The following EXPH5 variants were observed in gnomAD, a reference collection of about 807,000 sequenced individuals.
EXPH5 encodes exophilin-5.
Under a neutral mutation model 41.1 loss-of-function variants are expected in EXPH5, and 42 were observed. That is an observed-to-expected ratio of 1.02 (90% CI 0.80 to 1.32). The LOEUF is 1.32. EXPH5 is among the 40% of genes most tolerant of loss of function. The pLI, the probability that EXPH5 is intolerant of heterozygous loss-of-function variation, is 0.00. For synonymous variants in EXPH5, 798 were observed against 833.5 expected, an observed-to-expected ratio of 0.96 and a Z score of 0.73; for missense variants, 2,298 against 2,314.5, an observed-to-expected ratio of 0.99 and a Z score of 0.15.
In EXPH5 at chr11:108,573,105, G is replaced by C. The variant is rs145407900; in HGVS notation, c.119+20313C>G. 4.7e-3 allele frequency among the ~76,000 whole-genome samples: 642 copies of C among 136,222 alleles called. 7 individuals are homozygous for C. Among genetic ancestry groups the C allele is most frequent in the African/African-American group, 0.016 (596 of 36,836 alleles). The allele number at this position is 136,222 out of a possible 152,430, so 89.4% of individuals were successfully genotyped here. ...GAGAGAGAGAAAGGAAGGAAGGAGA[G>C]AAAGAAAGAAAAAGAAAAGAAGGAA... On this transcript the variant is annotated intron_variant, in intron 1 of 5. Coordinates refer to ENST00000265843, the MANE Select transcript of EXPH5 (RefSeq NM_015065.3).
chr11:108,532,361 TATATA>T (rs1445056939), intron 3 of EXPH5, among the ~76,000 whole-genome samples: 6 of 20,978 alleles, frequency 2.9e-4, no homozygotes, highest in African/African-American at 1.6e-3. Flanking sequence ...TATATATATA[TATATA>T]TTTTTTTTTT....
the EXPH5 span, among the ~76,000 whole-genome samples, chr11:108,600,532 T>C: frequency 6.6e-6 from 1 of 152,208 alleles, no homozygotes; most frequent in African/African-American, 2.4e-5. Context: ...AAATTTCCAC[T>C]AAATAGAATT....
intron 4 of EXPH5, among the ~76,000 whole-genome samples, chr11:108,521,054 C>T (rs550386723): frequency 6.6e-6 from 1 of 152,304 alleles, no homozygotes; most frequent in South Asian, 2.1e-4. Flanking sequence ...CATGACTCCA[C>T]TTTAGCTCAT....
At chr11:108,517,710 T>G (rs1355330658) in intron 5 of EXPH5, among the ~76,000 whole-genome samples, 1 of 152,220 alleles carries the variant, frequency 6.6e-6, no homozygotes, top group East Asian at 1.9e-4. Context: ...AATAAAAGTC[T>G]ATTAAACAGC....
chr11:108,532,426 G>T (rs1399120581), intron 3 of EXPH5, among the ~76,000 whole-genome samples: 2 of 127,184 alleles, frequency 1.6e-5, no homozygotes, highest in African/African-American at 6.2e-5. Flanking sequence ...CGTTGGCCAG[G>T]CTGGTCTTGA....
intron 1 of EXPH5, among the ~76,000 whole-genome samples, chr11:108,584,034 A>C (rs1478099319): frequency 2.0e-4 from 31 of 152,268 alleles, no homozygotes; most frequent in Admixed American, 2.0e-3. Context: ...CTAGCAATGA[A>C]CAATTTTAAA....
chr11:108,547,250 G>A (rs908587249), intron 1 of EXPH5, among the ~76,000 whole-genome samples: 8 of 151,932 alleles, frequency 5.3e-5, no homozygotes, highest in Non-Finnish European at 1.2e-4. Flanking sequence ...CTGGAGTGCA[G>A]TGGTGCTATC....
At chr11:108,565,521 A>C (rs924656244) in intron 1 of EXPH5, among the ~76,000 whole-genome samples, 3 of 152,174 alleles carry the variant, frequency 2.0e-5, no homozygotes, top group African/African-American at 7.2e-5. Context: ...GAGAGGAATA[A>C]TGTGGCCGAA....
chr11:108,556,771 G>GC (rs2093991932), intron 1 of EXPH5, among the ~76,000 whole-genome samples: 1 of 152,130 alleles, frequency 6.6e-6, no homozygotes, highest in South Asian at 2.1e-4. Flanking sequence ...ATCAGGCCTG[G>GC]CCCCCATCAA....
chr11:108,538,031 G>A (rs1289404586), intron 3 of EXPH5: 1 of 985,368 alleles, frequency 1.0e-6, no homozygotes, highest in East Asian at 1.1e-4. Context: ...ATTGTGGTCT[G>A]CTCTTTCTTT....
intron 1 of EXPH5, among the ~76,000 whole-genome samples, chr11:108,553,453 C>G (rs79866987): frequency 6.6e-6 from 1 of 152,178 alleles, no homozygotes; most frequent in Admixed American, 6.5e-5. Flanking sequence ...AAGTGTCAGT[C>G]CCTCTTGTAG....
rs542108290 is a variant in EXPH5, at chr11:108,511,194, G to C, written c.4313C>G (p.Ser1438Cys). The C allele has an allele frequency of 3.1e-6, 5 of 1,613,156 alleles. No homozygotes were observed. In the South Asian group the frequency reaches 4.4e-5, roughly 14 times the overall value. ...CTCCCAAGAACTTCTTCTAGTTTGGGAATTTCCAATATTAACTTCTGAAAG... is the reference window on the plus strand; with the variant it reads ...CTCCCAAGAACTTCTTCTAGTTTGGCAATTTCCAATATTAACTTCTGAAAG... ...PALSEVNIGN[S>C]QTRRSSWECT... is the part of the protein sequence containing the mutation. The change falls in exon 6 of 6, where the codon TCC (serine) becomes TGC (cysteine). Residue 1438 changes from serine to cysteine, a missense_variant. Ser to Cys is a moderately radical substitution (Grantham distance 112). Coordinates refer to ENST00000265843, the MANE Select transcript of EXPH5 (RefSeq NM_015065.3).
intron 3 of EXPH5, among the ~76,000 whole-genome samples, chr11:108,529,429 C>T (rs1388152889): frequency 1.3e-5 from 2 of 152,166 alleles, no homozygotes; most frequent in African/African-American, 4.8e-5. Flanking sequence ...ACCTCCTGGG[C>T]TCAGGTCATC....
chr11:108,547,131 C>T (rs2093942285), intron 1 of EXPH5, among the ~76,000 whole-genome samples: 1 of 152,042 alleles, frequency 6.6e-6, no homozygotes, highest in Non-Finnish European at 1.5e-5. Context: ...GTGCCTCTGC[C>T]AGACACTAAA....
the EXPH5 span, among the ~76,000 whole-genome samples, chr11:108,603,077 T>G: frequency 6.6e-6 from 1 of 152,204 alleles, no homozygotes; most frequent in South Asian, 2.1e-4. Flanking sequence ...CCTGCCACCA[T>G]GTGAAAAAGA....
intron 4 of EXPH5, among the ~76,000 whole-genome samples, chr11:108,523,920 A>C (rs2093781092): frequency 6.6e-6 from 1 of 152,250 alleles, no homozygotes; most frequent in African/African-American, 2.4e-5. Flanking sequence ...TATTATTAAC[A>C]GACATTGAGA....
intron 4 of EXPH5, among the ~76,000 whole-genome samples, chr11:108,520,280 A>C (rs1694449505): frequency 1.3e-5 from 2 of 152,188 alleles, no homozygotes; most frequent in African/African-American, 4.8e-5. Context: ...GAGGTGGAAC[A>C]GTTTCATTCC....
Position 108,512,497 on chromosome 11 carries a change from C to T in EXPH5, c.3010G>A (p.Glu1004Lys). ...ACTTTGGAATTGCTTTGATTTGCTT[C>T]AATGAGGCTCCTGTGATCACTGGTG... ...VPTSDHRSLIEANQSNSKVSE... is the reference protein window; with the variant it reads ...VPTSDHRSLIKANQSNSKVSE... Residue 1004 changes from glutamate (E) to lysine (K), a missense_variant, in exon 6 of 6, where the codon GAA becomes AAA. By Grantham distance (56) the Glu-to-Lys change is moderately conservative. Transcript: ENST00000265843. The T allele has an allele frequency of 3.1e-6, 5 of 1,614,032 alleles. No individual in the cohort carries two copies. Among genetic ancestry groups the T allele is most frequent in the Non-Finnish European group, 4.2e-6 (5 of 1,180,008 alleles).
intron 1 of EXPH5, among the ~76,000 whole-genome samples, chr11:108,565,571 T>A (rs1295325751): frequency 1.3e-5 from 2 of 152,228 alleles, no homozygotes; most frequent in African/African-American, 2.4e-5. Context: ...TCTGTCACTC[T>A]CTTCATCTTT....
Sources: allele counts gnomAD v4.1 joint callset (sites outside exome capture counted in the v4.1 genomes callset), GRCh38; gene constraint gnomAD v4.1.1; transcripts MANE v1.5; gene names NCBI Gene and HGNC (gene_info 2026-07-23, HGNC 2026-07-21).